The following DCLK1 variants were observed in gnomAD, a reference collection of about 807,000 sequenced individuals.
DCLK1 encodes serine/threonine-protein kinase DCLK1.
In DCLK1, 16 loss-of-function variants were observed where a neutral mutation model predicts 86.2. The ratio of observed to expected loss-of-function variants is 0.19; its 90% CI spans 0.13 to 0.28. The LOEUF is 0.28. DCLK1 is among the 10% of genes least tolerant of loss of function. The pLI is 1.00. For missense variants in DCLK1, 590 were observed against 940.2 expected, an observed-to-expected ratio of 0.63 and a Z score of 4.87; for synonymous variants, 369 against 370.5, an observed-to-expected ratio of 1.00 and a Z score of 0.05.
chr13:36,023,220 T>C (rs72621278), intron 3 of DCLK1, among the ~76,000 whole-genome samples: 12,183 of 152,210 alleles, frequency 0.08, 948 homozygotes, highest in East Asian at 0.31. Context: ...TATAAAGATA[T>C]TTATTGTAAG....
At position 35,887,878 on chromosome 13, in the gene DCLK1, C is replaced by CAAAAAAAAAA. The variant is rs760195385; in HGVS notation, c.824-16548_824-16539dup. ...TGGACAGCATAGTAAGATCTTGTCT[C>CAAAAAAAAAA]AAAAAAAAAAAAAAAAAAAAAAAAA... On this transcript the variant is annotated intron_variant, in intron 4 of 16. Coordinates refer to ENST00000360631, the MANE Select transcript of DCLK1 (RefSeq NM_001330071.2). Among the ~76,000 whole-genome samples, 42 of 38,740 alleles carry CAAAAAAAAAA rather than the reference C, an allele frequency of 1.1e-3. 4 individuals carry two copies. The highest frequency in any genetic ancestry group is 1.8e-3 in the African/African-American group (22 of 12,460). 25.4% of individuals were successfully genotyped at this position (38,740 alleles called of 152,430 possible).
At chr13:36,070,326 T>C (rs1191519158) in intron 3 of DCLK1, among the ~76,000 whole-genome samples, 2 of 152,182 alleles carry the variant, frequency 1.3e-5, no homozygotes, top group Non-Finnish European at 2.9e-5. Context: ...CCCATGAAAG[T>C]CTTTTGAAAA....
intron 6 of DCLK1, chr13:35,847,975 A>G: frequency 3.0e-6 from 3 of 985,272 alleles, no homozygotes; most frequent in Non-Finnish European, 3.6e-6. Context: ...TGAACTTCAT[A>G]CTTTATATAT....
intron 3 of DCLK1, among the ~76,000 whole-genome samples, chr13:36,072,006 A>G (rs949407552): frequency 6.6e-6 from 1 of 152,234 alleles, no homozygotes; most frequent in Non-Finnish European, 1.5e-5. Context: ...CTCGATTTTA[A>G]TAATTCAAAT....
At chr13:36,017,203 T>C (rs1881569274) in intron 3 of DCLK1, among the ~76,000 whole-genome samples, 1 of 152,224 alleles carries the variant, frequency 6.6e-6, no homozygotes, top group African/African-American at 2.4e-5. Flanking sequence ...GAATTGGAGT[T>C]ACTGATCGTA....
At chr13:35,855,937 C>A in intron 5 of DCLK1, 5 of 834,730 alleles carry the variant, frequency 6.0e-6, no homozygotes, top group Non-Finnish European at 7.3e-6. Flanking sequence ...CTGGTGACTA[C>A]CAGGTAATCA....
chr13:35,849,950 G>A (rs2153109770), intron 6 of DCLK1: 1 of 955,930 alleles, frequency 1.0e-6, no homozygotes, highest in African/African-American at 1.8e-5. Flanking sequence ...ACAATCTATA[G>A]CAATGCCATT....
intron 6 of DCLK1, chr13:35,850,859 G>A: frequency 4.2e-6 from 5 of 1,186,852 alleles, no homozygotes; most frequent in South Asian, 2.4e-5. Flanking sequence ...CACTGAATGG[G>A]CATCCCCAGT....
chr13:36,059,686 A>G (rs898699076), intron 3 of DCLK1, among the ~76,000 whole-genome samples: 1 of 152,136 alleles, frequency 6.6e-6, no homozygotes, highest in Non-Finnish European at 1.5e-5. Context: ...CTTAACCCCA[A>G]ATACCACAGG....
At chr13:36,111,563 T>C (rs987378966) in intron 3 of DCLK1, among the ~76,000 whole-genome samples, 1 of 152,160 alleles carries the variant, frequency 6.6e-6, no homozygotes, top group Non-Finnish European at 1.5e-5. Flanking sequence ...ATAAGATCTA[T>C]GAGAAAACTG....
intron 4 of DCLK1, among the ~76,000 whole-genome samples, chr13:35,886,775 C>A (rs968366261): frequency 1.3e-5 from 2 of 152,142 alleles, no homozygotes; most frequent in Non-Finnish European, 2.9e-5. Context: ...CAGTCGTTTT[C>A]CTGACATTTT....
At chr13:35,981,253 C>T (rs1021084083) in intron 3 of DCLK1, among the ~76,000 whole-genome samples, 3 of 151,608 alleles carry the variant, frequency 2.0e-5, no homozygotes, top group African/African-American at 4.9e-5. Context: ...AGGCTTATAT[C>T]GCTTAGCATA....
At chr13:35,804,396 A>T (rs2086985301) in intron 15 of DCLK1, among the ~76,000 whole-genome samples, 1 of 151,596 alleles carries the variant, frequency 6.6e-6, no homozygotes, top group Admixed American at 6.6e-5. Context: ...GGGCTCCCAA[A>T]GTACTGGGAT....
At chr13:35,848,648 T>A (rs1410149045) in intron 6 of DCLK1, 2 of 985,212 alleles carry the variant, frequency 2.0e-6, no homozygotes, top group Non-Finnish European at 2.4e-6. Flanking sequence ...ACAAATAGCA[T>A]TTATTGGACC....
intron 4 of DCLK1, among the ~76,000 whole-genome samples, chr13:35,874,077 T>C (rs1376562035): frequency 1.3e-5 from 2 of 152,172 alleles, no homozygotes; most frequent in African/African-American, 4.8e-5. Context: ...TTTTCCATTA[T>C]ATATTTTAAA....
intron 6 of DCLK1, chr13:35,848,073 A>C (rs1025133153): frequency 1.0e-6 from 1 of 985,330 alleles, no homozygotes; most frequent in South Asian, 4.7e-5. Context: ...GAAAAAAGTG[A>C]GTGCAAGTGA....
intron 4 of DCLK1, among the ~76,000 whole-genome samples, chr13:35,942,813 G>A (rs964137192): frequency 6.6e-6 from 1 of 152,218 alleles, no homozygotes. Context: ...TCCATGAGGT[G>A]AGAAACCCTA....
intron 2 of DCLK1, among the ~76,000 whole-genome samples, chr13:36,116,112 G>A (rs1885777489): frequency 6.6e-6 from 1 of 151,656 alleles, no homozygotes; most frequent in Non-Finnish European, 1.5e-5. Flanking sequence ...ACCACACCCA[G>A]TGAATTTTTA....
intron 16 of DCLK1, among the ~76,000 whole-genome samples, chr13:35,783,537 C>T (rs765277372): frequency 2.6e-5 from 4 of 152,178 alleles, no homozygotes; most frequent in Non-Finnish European, 4.4e-5. Context: ...GCCACACTCT[C>T]TCTGTACACT....
Sources: allele counts gnomAD v4.1 joint callset (sites outside exome capture counted in the v4.1 genomes callset), GRCh38; gene constraint gnomAD v4.1.1; transcripts MANE v1.5; gene names NCBI Gene and HGNC (gene_info 2026-07-23, HGNC 2026-07-21).